CCDC38: variants seen among roughly 807,000 people sequenced by gnomAD.
CCDC38 encodes coiled-coil domain containing 38.
In CCDC38, 69 loss-of-function variants were observed where a neutral mutation model predicts 72.8. The ratio of observed to expected loss-of-function variants is 0.95; its 90% CI spans 0.78 to 1.16. The LOEUF (loss-of-function observed/expected upper bound fraction) is 1.16, where lower values mean the gene tolerates loss of function less well. Ranked by LOEUF, CCDC38 falls within the 50% of genes most tolerant of loss-of-function variation. The pLI, the probability that CCDC38 is intolerant of heterozygous loss-of-function variation, is 0.00. For missense variants in CCDC38, 626 were observed against 638.9 expected (o/e 0.98, Z 0.22); for synonymous variants, 201 against 213.2 (o/e 0.94, Z 0.50).
At chr12:95,906,800 T>TTTTATTTA (rs66972731) in intron 4 of CCDC38, among the ~76,000 whole-genome samples, 1 of 138,004 alleles carries the variant, frequency 7.2e-6, no homozygotes, top group Non-Finnish European at 1.5e-5. Context: ...CAAGATTTCT[T>TTTTATTTA]TTTATTTATT....
chr12:95,919,569 G>A (rs951692270), intron 2 of CCDC38: 6 of 455,930 alleles, frequency 1.3e-5, no homozygotes, highest in African/African-American at 1.2e-4. Context: ...CATCTCCTGG[G>A]TAGAAGTCAC....
Position 95,894,726 on chromosome 12 carries a change from C to A in CCDC38, c.772+263G>T, listed in dbSNP as rs556897013. On this transcript the variant is annotated intron_variant, in intron 8 of 15. Transcript: ENST00000344280. ...GGCACCACACTTCTTGTGCAGCCAG[C>A]AGAACTGTGAGCCAAATAAACCTCT... is the stretch of plus-strand genomic sequence containing the variant. Among the ~76,000 whole-genome samples the A allele has an allele frequency of 3.3e-5, 5 of 152,326 alleles. No individual in the cohort carries two copies. In the South Asian group the frequency reaches 1.0e-3, roughly 32 times the overall value.
Position 95,915,278 on chromosome 12 carries a change from T to C in CCDC38, c.304+1851A>G, listed in dbSNP as rs755557946. The stretch of plus-strand genomic sequence containing the variant: ...AGCCCTCCCAAAGCATTAACATTCC[T>C]AGACCTGAGGGCACCTCCACCACTC... On this transcript the variant is annotated intron_variant, in intron 4 of 15. Coordinates refer to ENST00000344280, the MANE Select transcript of CCDC38 (RefSeq NM_182496.3). 1.2e-3 allele frequency among the ~76,000 whole-genome samples: 176 copies of C among 152,322 alleles called. 1 individual carries two copies. The highest frequency in any genetic ancestry group is 3.5e-3 in the African/African-American group (144 of 41,574).
At chr12:95,940,467 C>T (rs1270384676) in intron 1 of CCDC38, among the ~76,000 whole-genome samples, 7 of 152,134 alleles carry the variant, frequency 4.6e-5, no homozygotes, top group Non-Finnish European at 1.0e-4. Flanking sequence ...CTCTAAAACC[C>T]AATGAAAACG....
intron 5 of CCDC38, chr12:95,903,475 G>T: frequency 1.4e-6 from 1 of 700,270 alleles, no homozygotes; most frequent in African/African-American, 1.7e-5. Flanking sequence ...TAATCTTAGG[G>T]GGAAAGCATT....
At chr12:95,870,210 A>G (rs1176218744) in intron 14 of CCDC38, among the ~76,000 whole-genome samples, 4 of 152,204 alleles carry the variant, frequency 2.6e-5, no homozygotes, top group African/African-American at 9.7e-5. Flanking sequence ...AAATAAATGC[A>G]TAGCTTAGTG....
chr12:95,898,722 A>G lies in CCDC38; in HGVS notation c.379T>C (p.Ser127Pro), dbSNP rs745784604. The G allele has an allele frequency of 6.2e-7, 1 of 1,613,640 alleles. No individual in the cohort carries two copies. The highest frequency in any genetic ancestry group is 8.5e-7 in the Non-Finnish European group (1 of 1,179,910). ...RDRFLLEYAL[S>P]TKRNTIKKFE... ...TTTTTGATTGTGTTTCTTTTGGTTGACAAAGCATACTAGGGGCATTGAAGA... is the reference window on the plus strand; with the variant it reads ...TTTTTGATTGTGTTTCTTTTGGTTGGCAAAGCATACTAGGGGCATTGAAGA... The change falls in exon 6 of 16, where the codon TCA (serine) becomes CCA (proline). Residue 127 changes from serine (S) to proline (P), a missense_variant. Physicochemically the swap from Ser to Pro is moderately conservative, Grantham distance 74 (BLOSUM62 -1). Coordinates refer to ENST00000344280, the MANE Select transcript of CCDC38 (RefSeq NM_182496.3).
chr12:95,902,582 G>A (rs71460317), intron 5 of CCDC38, among the ~76,000 whole-genome samples: 3,475 of 152,232 alleles, frequency 0.023, 51 homozygotes, highest in Non-Finnish European at 0.038. Context: ...GTAGTAATCA[G>A]TTATGTTGAT....
At chr12:95,902,853 C>T (rs1178126356) in intron 5 of CCDC38, among the ~76,000 whole-genome samples, 1 of 152,130 alleles carries the variant, frequency 6.6e-6, no homozygotes, top group Non-Finnish European at 1.5e-5. Flanking sequence ...CTTCATAGCT[C>T]TTGAAACTAG....
At chr12:95,915,730 C>T (rs1415065951) in intron 4 of CCDC38, among the ~76,000 whole-genome samples, 3 of 152,172 alleles carry the variant, frequency 2.0e-5, no homozygotes, top group Non-Finnish European at 4.4e-5. Context: ...GTCCAAATTG[C>T]TTATCTGTGC....
At chr12:95,881,221 T>C (rs2121430919) in intron 11 of CCDC38, among the ~76,000 whole-genome samples, 1 of 149,814 alleles carries the variant, frequency 6.7e-6, no homozygotes, top group Middle Eastern at 3.5e-3. Flanking sequence ...TACAAGAAGA[T>C]TGTAGATTTT....
intron 2 of CCDC38, among the ~76,000 whole-genome samples, chr12:95,927,835 A>G (rs1377405271): frequency 2.0e-5 from 3 of 148,486 alleles, no homozygotes; most frequent in South Asian, 2.2e-4. Flanking sequence ...TGGGTTGAAA[A>G]TTCTTTTCTT....
intron 14 of CCDC38, 94 bp downstream of exon 14, chr12:95,872,161 A>AT: frequency 9.1e-7 from 1 of 1,104,886 alleles, no homozygotes; most frequent in Non-Finnish European, 1.4e-6. Flanking sequence ...GTGTCCCTAT[A>AT]ATATGACATT....
chr12:95,894,868 T>C (rs1466598995), intron 8 of CCDC38, 121 bp downstream of exon 8: 2 of 792,898 alleles, frequency 2.5e-6, no homozygotes, highest in East Asian at 2.6e-5. Context: ...ATAACAGAGA[T>C]AGTGAAAATC....
At chr12:95,893,983 G>T (rs1565950198) in intron 8 of CCDC38, among the ~76,000 whole-genome samples, 1 of 151,946 alleles carries the variant, frequency 6.6e-6, no homozygotes, top group Non-Finnish European at 1.5e-5. Context: ...AAAACATGAC[G>T]GCCGAGGCGG....
At chr12:95,884,844 A>G (rs937858872) in intron 10 of CCDC38, among the ~76,000 whole-genome samples, 1 of 152,220 alleles carries the variant, frequency 6.6e-6, no homozygotes, top group African/African-American at 2.4e-5. Context: ...ACTTTGATTA[A>G]GTCTGCAAAG....
chr12:95,911,174 T>C (rs1424343506), intron 4 of CCDC38, among the ~76,000 whole-genome samples: 5 of 152,164 alleles, frequency 3.3e-5, no homozygotes, highest in African/African-American at 1.2e-4. Context: ...CAGGGAAAAC[T>C]GGCTAGCCAT....
rs755397979 is a variant in CCDC38, at chr12:95,867,195, A to C, written c.1579-6T>G. The C allele has an allele frequency of 6.1e-6, 9 of 1,468,842 alleles. No individual in the cohort carries two copies. Among genetic ancestry groups the C allele is most frequent in the Non-Finnish European group, 1.9e-6 (2 of 1,059,408 alleles). The allele number at this position is 1,468,842 out of a possible 1,614,324, so 91.0% of individuals were successfully genotyped here. A position where few individuals can be genotyped will look rare whatever the true frequency, so the allele number is the denominator to read the frequency against. The stretch of plus-strand genomic sequence containing the variant: ...AAGACAAGTCGTCTTCCCAACTGAA[A>C]CAAAAGAAAAACAAAATACTTAATA... On this transcript the variant is annotated splice_region_variant and splice_polypyrimidine_tract_variant and intron_variant, in intron 15 of 15. Coordinates refer to ENST00000344280, the MANE Select transcript of CCDC38 (RefSeq NM_182496.3).
chr12:95,892,079 T>C (rs1469525233), intron 8 of CCDC38, among the ~76,000 whole-genome samples: 2 of 132,492 alleles, frequency 1.5e-5, no homozygotes, highest in African/African-American at 6.4e-5. Flanking sequence ...GGGATCACTC[T>C]GCTTTTTTTT....
Sources: allele counts gnomAD v4.1 joint callset (sites outside exome capture counted in the v4.1 genomes callset), GRCh38; gene constraint gnomAD v4.1.1; transcripts MANE v1.5; gene names NCBI Gene and HGNC (gene_info 2026-07-23, HGNC 2026-07-21).